LMNTD1: variants seen among roughly 807,000 people sequenced by gnomAD.
LMNTD1 encodes the protein lamin tail domain containing 1.
A neutral mutation model predicts 50.9 loss-of-function variants in LMNTD1; 35 were observed. The ratio of observed to expected loss-of-function variants is 0.69; its 90% CI spans 0.53 to 0.91. The LOEUF is 0.91. Among genes scored for constraint, LMNTD1 ranks in the 40% least tolerant of loss-of-function variants. The pLI, the probability that LMNTD1 is intolerant of heterozygous loss-of-function variation, is 0.00. For synonymous variants in LMNTD1, 153 were observed against 161.9 expected (o/e 0.94, Z 0.42); for missense variants, 470 against 475.5 (o/e 0.99, Z 0.11).
At position 25,553,125 on chromosome 12, in the gene LMNTD1, T is replaced by A; in HGVS notation, c.-87A>T. 1 of 1,612,394 alleles carries A rather than the reference T, an allele frequency of 6.2e-7. No individual in the cohort carries two copies. Among genetic ancestry groups the A allele is most frequent in the Non-Finnish European group, 8.5e-7 (1 of 1,179,878 alleles). On this transcript the variant is annotated 5_prime_UTR_variant, in exon 1 of 10. Coordinates refer to ENST00000458174, the MANE Select transcript of LMNTD1 (RefSeq NM_001145728.2). ...AGGTTTAATAATTTCTTTACCAAAC[T>A]AGTACCAGAACCACAATTCTCATGA...
chr12:25,526,704 C>G (rs754921039), intron 5 of LMNTD1, 65 bp downstream of exon 5: 11 of 1,077,900 alleles, frequency 1.0e-5, no homozygotes, highest in Non-Finnish European at 1.3e-5. Flanking sequence ...GAGCCACAGA[C>G]TGTCAGTGTC....
upstream of LMNTD1, among the ~76,000 whole-genome samples, chr12:25,556,530 G>C (rs1015256857): frequency 6.6e-6 from 1 of 152,104 alleles, no homozygotes; most frequent in African/African-American, 2.4e-5. Context: ...TCCTGAACCA[G>C]CTTCATCCTG....
intron 1 of LMNTD1, among the ~76,000 whole-genome samples, chr12:25,607,653 T>C (rs1429143339): frequency 2.0e-5 from 3 of 152,146 alleles, no homozygotes; most frequent in South Asian, 2.1e-4. Flanking sequence ...TTTGAGTGAG[T>C]TTCTTAATCC....
chr12:25,605,787 G>A (rs1043716027), intron 1 of LMNTD1, among the ~76,000 whole-genome samples: 50 of 152,276 alleles, frequency 3.3e-4, no homozygotes, highest in African/African-American at 1.1e-3. Context: ...GATGCCTCCA[G>A]CTTTGTTCTT....
At chr12:25,494,923 G>A (rs1486136762) in intron 9 of LMNTD1, among the ~76,000 whole-genome samples, 1 of 152,152 alleles carries the variant, frequency 6.6e-6, no homozygotes, top group Non-Finnish European at 1.5e-5. Context: ...TCACTGGGGT[G>A]TAAAATAGAT....
chr12:25,488,161 T>C (rs1486463887), intron 9 of LMNTD1, among the ~76,000 whole-genome samples: 1 of 144,538 alleles, frequency 6.9e-6, no homozygotes, highest in Admixed American at 7.1e-5. Context: ...CTGTATTTCC[T>C]GAATCTGAAC....
chr12:25,506,836 C>T (rs961264035), intron 8 of LMNTD1, among the ~76,000 whole-genome samples: 1 of 151,654 alleles, frequency 6.6e-6, no homozygotes, highest in Non-Finnish European at 1.5e-5. Context: ...ATACTTATCA[C>T]CCAGATTTAA....
intron 4 of LMNTD1, among the ~76,000 whole-genome samples, chr12:25,527,795 T>C (rs1455865481): frequency 6.7e-6 from 1 of 149,514 alleles, no homozygotes; most frequent in Non-Finnish European, 1.5e-5. Context: ...TATCTCTGTA[T>C]ATAGTTCTCC....
intron 1 of LMNTD1, among the ~76,000 whole-genome samples, chr12:25,601,854 C>T (rs1032189519): frequency 2.0e-5 from 3 of 151,526 alleles, no homozygotes; most frequent in African/African-American, 7.3e-5. Flanking sequence ...TATTTTGATA[C>T]CTGTATGTGT....
At chr12:25,648,079 A>T (rs1053444316) in intron 1 of LMNTD1, among the ~76,000 whole-genome samples, 4 of 152,340 alleles carry the variant, frequency 2.6e-5, no homozygotes, top group South Asian at 2.1e-4. Context: ...CATAAAAGTA[A>T]TGCATATTTA....
chr12:25,520,761 T>A (rs959645153), intron 6 of LMNTD1, among the ~76,000 whole-genome samples: 3 of 152,200 alleles, frequency 2.0e-5, no homozygotes, highest in African/African-American at 7.2e-5. Flanking sequence ...ACTTTTAATT[T>A]CTTTAGGGAC....
chr12:25,502,371 T>A (rs1939442177), intron 9 of LMNTD1, among the ~76,000 whole-genome samples: 1 of 152,196 alleles, frequency 6.6e-6, no homozygotes, highest in South Asian at 2.1e-4. Context: ...ATTTCAGACC[T>A]CATTCTTTGC....
intron 1 of LMNTD1, among the ~76,000 whole-genome samples, chr12:25,569,142 C>A (rs976049788): frequency 6.6e-6 from 1 of 152,226 alleles, no homozygotes; most frequent in Non-Finnish European, 1.5e-5. Context: ...AGGGGCTGCA[C>A]CCGGCAAAGC....
chr12:25,518,590 A>G (rs1940976624), intron 8 of LMNTD1, among the ~76,000 whole-genome samples: 1 of 152,208 alleles, frequency 6.6e-6, no homozygotes, highest in Non-Finnish European at 1.5e-5. Flanking sequence ...TATCAAAGAC[A>G]GATGTTTATC....
At chr12:25,499,114 C>T (rs1939236416) in intron 9 of LMNTD1, among the ~76,000 whole-genome samples, 1 of 152,210 alleles carries the variant, frequency 6.6e-6, no homozygotes, top group African/African-American at 2.4e-5. Context: ...CTCTGCTGCA[C>T]AGGCTGGAGT....
intron 9 of LMNTD1, among the ~76,000 whole-genome samples, chr12:25,501,898 G>C (rs1375500179): frequency 6.6e-6 from 1 of 152,164 alleles, no homozygotes; most frequent in African/African-American, 2.4e-5. Flanking sequence ...TTTGCTCCCA[G>C]TAAGGCTTCA....
intron 1 of LMNTD1, among the ~76,000 whole-genome samples, chr12:25,569,554 A>C (rs1314454110): frequency 6.6e-6 from 1 of 152,170 alleles, no homozygotes. Flanking sequence ...CAGGGGCAGA[A>C]TGATATGGTT....
chr12:25,636,598 G>A (rs534141744), intron 1 of LMNTD1, among the ~76,000 whole-genome samples: 12 of 152,306 alleles, frequency 7.9e-5, no homozygotes, highest in South Asian at 2.1e-4. Context: ...ACTAAAAGGA[G>A]AAATACCATT....
intron 9 of LMNTD1, among the ~76,000 whole-genome samples, 191 bp downstream of exon 9, chr12:25,503,543 TAGAA>T (rs1219183776): frequency 6.6e-6 from 1 of 152,200 alleles, no homozygotes; most frequent in East Asian, 1.9e-4. Flanking sequence ...TTCCCATTCT[TAGAA>T]AGCTTATCAT....
Sources: allele counts gnomAD v4.1 joint callset (sites outside exome capture counted in the v4.1 genomes callset), GRCh38; gene constraint gnomAD v4.1.1; transcripts MANE v1.5; gene names NCBI Gene and HGNC (gene_info 2026-07-23, HGNC 2026-07-21).